The following NTM variants were observed in gnomAD, a reference collection of about 807,000 sequenced individuals.
NTM encodes the protein neurotrimin.
A neutral mutation model predicts 42.1 loss-of-function variants in NTM; 13 were observed. That is an observed-to-expected ratio of 0.31 (90% CI 0.20 to 0.49). The LOEUF (loss-of-function observed/expected upper bound fraction) is 0.49, where lower values mean the gene tolerates loss of function less well. Ranked by LOEUF, NTM falls within the 20% of genes least tolerant of loss-of-function variation. The probability of loss-of-function intolerance (pLI) is 0.99; values close to 1 mark genes in which losing one functional copy is unlikely to be tolerated. For missense variants in NTM, 373 were observed against 452.8 expected (o/e 0.82, Z 1.60); for synonymous variants, 187 against 179.2 (o/e 1.04, Z -0.35).
At chr11:131,777,656 T>C (rs1048000650) in intron 1 of NTM, among the ~76,000 whole-genome samples, 11 of 152,092 alleles carry the variant, frequency 7.2e-5, no homozygotes, top group African/African-American at 2.4e-4. Flanking sequence ...AAAAGTATTG[T>C]TAGTAATACA....
chr11:132,131,654 T>C (rs1303447900), intron 2 of NTM, among the ~76,000 whole-genome samples: 1 of 152,072 alleles, frequency 6.6e-6, no homozygotes, highest in Non-Finnish European at 1.5e-5. Context: ...ATCCCAGACC[T>C]CAAGGTCCTG....
At chr11:131,973,726 A>G (rs1363039891) in intron 2 of NTM, among the ~76,000 whole-genome samples, 2 of 152,234 alleles carry the variant, frequency 1.3e-5, no homozygotes, top group African/African-American at 4.8e-5. Flanking sequence ...CCAAGGCAGG[A>G]GAATCGCTTG....
intron 1 of NTM, among the ~76,000 whole-genome samples, chr11:131,433,571 C>T (rs1179276004): frequency 6.6e-6 from 1 of 152,184 alleles, no homozygotes; most frequent in African/African-American, 2.4e-5. Context: ...ACTTGCTTCA[C>T]ACATGACTGT....
chr11:131,560,299 G>A (rs2056062511), intron 1 of NTM, among the ~76,000 whole-genome samples: 1 of 152,206 alleles, frequency 6.6e-6, no homozygotes, highest in South Asian at 2.1e-4. Flanking sequence ...TGAGATTGCA[G>A]AGATAGCTAC....
chr11:131,763,464 G>T (rs2084557135), intron 1 of NTM, among the ~76,000 whole-genome samples: 1 of 152,130 alleles, frequency 6.6e-6, no homozygotes, highest in Non-Finnish European at 1.5e-5. Context: ...TAAATTTTGA[G>T]ATAATTTAAA....
At chr11:131,831,838 C>T (rs900118192) in intron 1 of NTM, among the ~76,000 whole-genome samples, 9 of 151,622 alleles carry the variant, frequency 5.9e-5, no homozygotes, top group South Asian at 2.1e-4. Context: ...AGATTATCTC[C>T]GGGTTTCTGA....
intron 2 of NTM, among the ~76,000 whole-genome samples, chr11:132,041,091 G>C (rs2077115929): frequency 6.6e-6 from 1 of 152,138 alleles, no homozygotes; most frequent in Non-Finnish European, 1.5e-5. Context: ...CATTTAAAAA[G>C]AACTGTTGCA....
At chr11:131,713,888 G>A (rs1387081742) in intron 1 of NTM, among the ~76,000 whole-genome samples, 3 of 152,192 alleles carry the variant, frequency 2.0e-5, no homozygotes, top group African/African-American at 4.8e-5. Flanking sequence ...AGAGGGCCAA[G>A]CGGGTGACTT....
chr11:132,121,342 A>G (rs1237928842), intron 2 of NTM, among the ~76,000 whole-genome samples: 1 of 152,186 alleles, frequency 6.6e-6, no homozygotes, highest in Admixed American at 6.5e-5. Context: ...CAAAATGCAT[A>G]AAGTTGTACC....
chr11:132,067,764 G>A (rs979710163), intron 2 of NTM, among the ~76,000 whole-genome samples: 3 of 152,186 alleles, frequency 2.0e-5, no homozygotes, highest in Non-Finnish European at 2.9e-5. Flanking sequence ...TCTGGGCTCT[G>A]GTTCCAAAGC....
At chr11:131,726,907 G>A (rs990864745) in intron 1 of NTM, among the ~76,000 whole-genome samples, 6 of 151,104 alleles carry the variant, frequency 4.0e-5, no homozygotes, top group South Asian at 2.1e-4. Flanking sequence ...GGGGCTGGTC[G>A]TCAACTTCTG....
At chr11:132,074,891 G>T (rs1414456472) in intron 2 of NTM, among the ~76,000 whole-genome samples, 2 of 152,166 alleles carry the variant, frequency 1.3e-5, no homozygotes, top group Middle Eastern at 3.2e-3. Flanking sequence ...TGCTTGAGAT[G>T]ATAGATATAT....
At chr11:131,878,587 AAAAAAAAATATATATATATATATAT>A (rs1392238198) in intron 1 of NTM, among the ~76,000 whole-genome samples, 2 of 58,554 alleles carry the variant, frequency 3.4e-5, no homozygotes, top group South Asian at 6.1e-4. Flanking sequence ...AAAAAAAAAA[AAAAAAAAATATATATATATATATAT>A]ATATATATAT....
chr11:131,937,962 C>T (rs552979847), intron 2 of NTM, among the ~76,000 whole-genome samples: 88 of 152,250 alleles, frequency 5.8e-4, no homozygotes, highest in African/African-American at 2.0e-3. Flanking sequence ...AAAATAATGT[C>T]GTTTGCTATG....
chr11:132,077,211 T>C (rs1184123012), intron 2 of NTM, among the ~76,000 whole-genome samples: 1 of 152,216 alleles, frequency 6.6e-6, no homozygotes, highest in Non-Finnish European at 1.5e-5. Context: ...AGACTTACAA[T>C]TTGGTCTTGC....
intron 2 of NTM, among the ~76,000 whole-genome samples, chr11:131,958,540 C>A (rs77088783): frequency 0.019 from 2,899 of 152,318 alleles, 79 homozygotes; most frequent in African/African-American, 0.067. Flanking sequence ...CCTGGAATCA[C>A]TGGCTTTAAT....
At chr11:131,885,914 C>T (rs1023541585) in intron 1 of NTM, among the ~76,000 whole-genome samples, 12 of 152,080 alleles carry the variant, frequency 7.9e-5, no homozygotes, top group Admixed American at 2.6e-4. Context: ...AAGTGGGGTA[C>T]GTCACTCTGA....
At position 132,013,471 on chromosome 11, in the gene NTM, A is replaced by G. The variant is rs564985832; in HGVS notation, c.167+101823A>G. Among the ~76,000 whole-genome samples, 4 of 152,264 alleles carry G rather than the reference A, an allele frequency of 2.6e-5. No homozygotes were observed. In the South Asian group the frequency reaches 8.3e-4, roughly 32 times the overall value. The stretch of plus-strand genomic sequence containing the variant: ...AGACCATTCTTTAAAGAAACATAGC[A>G]GTTAAAAGAGGTAGCTAGTGGAGGA... On this transcript the variant is annotated intron_variant, in intron 2 of 8. Transcript: ENST00000683400.
chr11:132,220,443 A>G (rs2084911682), intron 4 of NTM, among the ~76,000 whole-genome samples: 1 of 152,210 alleles, frequency 6.6e-6, no homozygotes, highest in Non-Finnish European at 1.5e-5. Flanking sequence ...AATATTTATG[A>G]TCTGGTTTAA....
Sources: gnomAD v4.1 joint callset for allele counts (sites outside exome capture counted in the v4.1 genomes callset) on GRCh38, gnomAD v4.1.1 for gene constraint, MANE v1.5 for transcripts, NCBI Gene and HGNC (gene_info 2026-07-23, HGNC 2026-07-21) for gene names.